Variants in OPCML observed in about 807,000 individuals in gnomAD.
The protein encoded by OPCML is opioid binding protein/cell adhesion molecule like, also known as opioid-binding protein/cell adhesion molecule.
Under a neutral mutation model 37.8 loss-of-function variants are expected in OPCML, and 13 were observed. That is an observed-to-expected ratio of 0.34 (90% CI 0.22 to 0.55). The LOEUF (loss-of-function observed/expected upper bound fraction) is 0.55, where lower values mean the gene tolerates loss of function less well. Among genes scored for constraint, OPCML ranks in the 20% least tolerant of loss-of-function variants. The pLI, the probability that OPCML is intolerant of heterozygous loss-of-function variation, is 0.91. For missense variants in OPCML, 341 were observed against 435.6 expected (o/e 0.78, Z 1.93); for synonymous variants, 176 against 168.8 (o/e 1.04, Z -0.33).
intron 1 of OPCML, among the ~76,000 whole-genome samples, chr11:133,387,208 C>T (rs575733515): frequency 6.6e-6 from 1 of 152,244 alleles, no homozygotes; most frequent in Admixed American, 6.5e-5. Flanking sequence ...TGGGGGATGC[C>T]TATCTCACAT....
intron 1 of OPCML, among the ~76,000 whole-genome samples, chr11:133,268,072 G>A (rs551955449): frequency 1.3e-5 from 2 of 152,116 alleles, no homozygotes; most frequent in Non-Finnish European, 2.9e-5. Flanking sequence ...ATGTAACAAT[G>A]GCCCTGACTA....
chr11:132,606,700 G>A (rs2137815418), intron 3 of OPCML, among the ~76,000 whole-genome samples: 1 of 152,048 alleles, frequency 6.6e-6, no homozygotes, highest in South Asian at 2.1e-4. Context: ...CTGCACCCAG[G>A]AGCCAATTAG....
At chr11:132,792,348 C>T (rs1420833370) in intron 2 of OPCML, among the ~76,000 whole-genome samples, 3 of 152,110 alleles carry the variant, frequency 2.0e-5, no homozygotes, top group African/African-American at 7.2e-5. Context: ...ACACTTTGAT[C>T]TATTTTTATT....
chr11:132,475,654 T>C lies in OPCML; in HGVS notation c.506-38295A>G, dbSNP rs138089585. On this transcript the variant is annotated intron_variant, in intron 4 of 7. Transcript: ENST00000524381. ...TATCTCAAAGAAAACCAGGCCTGCA[T>C]GCGCCTTGCACTTGAACTTCCAGCC... 5.3e-4 allele frequency among the ~76,000 whole-genome samples: 80 copies of C among 152,150 alleles called. No individual in the cohort carries two copies. In the East Asian group the frequency reaches 0.014, roughly 27 times the overall value.
chr11:133,153,755 A>G (rs1950019365), intron 1 of OPCML, among the ~76,000 whole-genome samples: 1 of 146,040 alleles, frequency 6.8e-6, no homozygotes, highest in African/African-American at 2.6e-5. Flanking sequence ...TAAGGGAAGG[A>G]GGTTGCTTCC....
At chr11:132,701,309 C>T (rs1363147654) in intron 2 of OPCML, among the ~76,000 whole-genome samples, 3 of 152,158 alleles carry the variant, frequency 2.0e-5, no homozygotes, top group Non-Finnish European at 4.4e-5. Flanking sequence ...ATTCAATTAT[C>T]TCTGCCTGGC....
intron 4 of OPCML, among the ~76,000 whole-genome samples, chr11:132,484,205 T>A (rs909335013): frequency 1.3e-5 from 2 of 151,778 alleles, no homozygotes; most frequent in African/African-American, 4.8e-5. Flanking sequence ...TACAATGAAC[T>A]CCAACAAATT....
chr11:132,857,235 T>C (rs186231159), intron 2 of OPCML, among the ~76,000 whole-genome samples: 61 of 152,362 alleles, frequency 4.0e-4, no homozygotes, highest in Admixed American at 2.4e-3. Context: ...TGACTAATGA[T>C]GTTGAATATT....
At chr11:133,261,041 T>C (rs1336229899) in intron 1 of OPCML, among the ~76,000 whole-genome samples, 2 of 152,222 alleles carry the variant, frequency 1.3e-5, no homozygotes, top group African/African-American at 4.8e-5. Flanking sequence ...TCAGTTCTTT[T>C]GTCCATCTGA....
At chr11:132,491,548 A>C (rs2096215672) in intron 4 of OPCML, among the ~76,000 whole-genome samples, 1 of 152,248 alleles carries the variant, frequency 6.6e-6, no homozygotes, top group Admixed American at 6.5e-5. Flanking sequence ...GGCTCATGGT[A>C]TATTAACTGG....
At chr11:132,687,191 C>T (rs1208386637) in intron 2 of OPCML, among the ~76,000 whole-genome samples, 4 of 151,434 alleles carry the variant, frequency 2.6e-5, no homozygotes, top group Non-Finnish European at 5.9e-5. Flanking sequence ...AGGAATTTTT[C>T]CACTCACCAG....
intron 4 of OPCML, among the ~76,000 whole-genome samples, chr11:132,506,327 T>G (rs79229800): frequency 0.11 from 15,997 of 152,166 alleles, 962 homozygotes; most frequent in Middle Eastern, 0.17. Flanking sequence ...GGAAGACATA[T>G]CCTAAGAATC....
At chr11:132,464,116 G>T (rs776007239) in intron 4 of OPCML, among the ~76,000 whole-genome samples, 1 of 151,970 alleles carries the variant, frequency 6.6e-6, no homozygotes, top group Non-Finnish European at 1.5e-5. Flanking sequence ...CCTTTCCTTG[G>T]CTGCCTTCCC....
intron 4 of OPCML, among the ~76,000 whole-genome samples, chr11:132,524,845 C>T (rs1265875207): frequency 6.6e-6 from 1 of 152,292 alleles, no homozygotes. Flanking sequence ...CTTTTACCCT[C>T]CTTTGGTAAG....
chr11:133,498,484 T>G (rs1230349920), intron 1 of OPCML, among the ~76,000 whole-genome samples: 1 of 152,096 alleles, frequency 6.6e-6, no homozygotes, highest in African/African-American at 2.4e-5. Flanking sequence ...CCGGGCACAA[T>G]ATCGCGCAGG....
chr11:132,797,679 C>T (rs1938408143), intron 2 of OPCML, among the ~76,000 whole-genome samples: 2 of 152,078 alleles, frequency 1.3e-5, no homozygotes, highest in African/African-American at 4.8e-5. Flanking sequence ...ATGTACATGC[C>T]TTAATTTAAA....
At chr11:133,004,783 C>T (rs967848059) in intron 1 of OPCML, 2 of 985,302 alleles carry the variant, frequency 2.0e-6, no homozygotes, top group Admixed American at 6.1e-5. Flanking sequence ...GATCACACTG[C>T]CTTCCTTCCA....
At chr11:133,356,321 T>C (rs1486851428) in intron 1 of OPCML, among the ~76,000 whole-genome samples, 1 of 152,252 alleles carries the variant, frequency 6.6e-6, no homozygotes, top group African/African-American at 2.4e-5. Context: ...CCGCAGTTTA[T>C]GCTCTGAGCT....
chr11:132,766,207 C>A (rs1946439534), intron 2 of OPCML, among the ~76,000 whole-genome samples: 1 of 152,092 alleles, frequency 6.6e-6, no homozygotes, highest in African/African-American at 2.4e-5. Flanking sequence ...AAAAAGCCAG[C>A]ATCATGCATC....
Sources: allele counts gnomAD v4.1 joint callset (sites outside exome capture counted in the v4.1 genomes callset), GRCh38; gene constraint gnomAD v4.1.1; transcripts MANE v1.5; gene names NCBI Gene and HGNC (gene_info 2026-07-23, HGNC 2026-07-21).